FAS: variants seen among roughly 807,000 people sequenced by gnomAD.
FAS encodes the protein tumor necrosis factor receptor superfamily member 6.
A neutral mutation model predicts 33.2 loss-of-function variants in FAS; 5 were observed. That is an observed-to-expected ratio of 0.15 (90% CI 0.08 to 0.32). FAS has a LOEUF of 0.32. Ranked by LOEUF, FAS falls within the 10% of genes least tolerant of loss-of-function variation. The probability of loss-of-function intolerance (pLI) is 1.00; values close to 1 mark genes in which losing one functional copy is unlikely to be tolerated. For synonymous variants in FAS, 131 were observed against 130.7 expected, an observed-to-expected ratio of 1.00 and a Z score of -0.01; for missense variants, 339 against 386.0, an observed-to-expected ratio of 0.88 and a Z score of 1.02.
At chr10:88,999,571 G>T (rs927256028) in intron 1 of FAS, among the ~76,000 whole-genome samples, 5 of 152,090 alleles carry the variant, frequency 3.3e-5, no homozygotes, top group African/African-American at 1.2e-4. Context: ...ACTTATATGT[G>T]TCTTTCTTCC....
intron 1 of FAS, among the ~76,000 whole-genome samples, chr10:88,969,664 C>A (rs184241125): frequency 6.6e-6 from 1 of 152,190 alleles, no homozygotes; most frequent in Non-Finnish European, 1.5e-5. Flanking sequence ...CTCCTCTGAC[C>A]ACCATATCAT....
intron 7 of FAS, 55 bp from the exon 8 acceptor site, chr10:89,013,287 TA>T: frequency 6.5e-7 from 1 of 1,532,004 alleles, no homozygotes; most frequent in South Asian, 1.2e-5. Flanking sequence ...ACATTTAGAA[TA>T]TTCTAAAGAT....
intron 1 of FAS, among the ~76,000 whole-genome samples, chr10:88,972,306 T>A (rs1386405852): frequency 6.6e-6 from 1 of 152,192 alleles, no homozygotes; most frequent in Non-Finnish European, 1.5e-5. Flanking sequence ...TATTGTCTTG[T>A]CTTCAGGCAG....
At chr10:88,994,779 A>G (rs2133417455) in intron 1 of FAS, among the ~76,000 whole-genome samples, 1 of 151,692 alleles carries the variant, frequency 6.6e-6, no homozygotes, top group South Asian at 2.1e-4. Context: ...TAGAGAGAGC[A>G]TTTATTAAAT....
At chr10:88,998,749 A>G (rs1312613089) in intron 1 of FAS, among the ~76,000 whole-genome samples, 1 of 152,202 alleles carries the variant, frequency 6.6e-6, no homozygotes, top group African/African-American at 2.4e-5. Flanking sequence ...GGTCATCTAT[A>G]AAGTCCTTTC....
At chr10:88,982,139 G>A (rs189717085), upstream of FAS, among the ~76,000 whole-genome samples, 4 of 152,342 alleles carry the variant, frequency 2.6e-5, no homozygotes, top group African/African-American at 9.6e-5. Context: ...ACAGCTTACT[G>A]GTTGGGTGAC....
intron 4 of FAS, 135 bp downstream of exon 4, chr10:89,009,132 G>A (rs550003367): frequency 2.3e-6 from 2 of 883,456 alleles, no homozygotes; most frequent in African/African-American, 3.3e-5. Flanking sequence ...CTAGATGACT[G>A]TTTGCTCATT....
At position 89,015,271 on chromosome 10, in the gene FAS, ATACT is replaced by A. The variant is rs1848745215; in HGVS notation, c.*824_*827del. ...CCAAACATGGAAATATCACCAAAAA[ATACT>A]TAATAGTCCACCAAAAGGCAAGACT... On this transcript the variant is annotated 3_prime_UTR_variant, in exon 9 of 9. Coordinates refer to ENST00000652046, the MANE Select transcript of FAS (RefSeq NM_000043.6). 1 of 534,752 alleles carries A rather than the reference ATACT, an allele frequency of 1.9e-6. No homozygotes were observed. Among genetic ancestry groups the A allele is most frequent in the Non-Finnish European group, 3.6e-6 (1 of 276,708 alleles). 33.1% of individuals were successfully genotyped at this position (534,752 alleles called of 1,614,324 possible). A position where few individuals can be genotyped will look rare whatever the true frequency, so the allele number is the denominator to read the frequency against.
chr10:89,007,273 G>A (rs1015228529), intron 2 of FAS, among the ~76,000 whole-genome samples: 1 of 152,186 alleles, frequency 6.6e-6, no homozygotes, highest in African/African-American at 2.4e-5. Context: ...ACTTTGGAAA[G>A]TAAAATGAAA....
chr10:88,993,263 A>C (rs1052656529), intron 1 of FAS, among the ~76,000 whole-genome samples: 2 of 152,080 alleles, frequency 1.3e-5, no homozygotes, highest in African/African-American at 4.8e-5. Flanking sequence ...AAAAGAGTCA[A>C]ACTTACTTTA....
intron 1 of FAS, among the ~76,000 whole-genome samples, chr10:89,000,243 T>C (rs2147418): frequency 0.12 from 17,800 of 152,266 alleles, 1,539 homozygotes; most frequent in East Asian, 0.44. Context: ...ATAACCAAAA[T>C]TTATATAAAG....
rs1848809782 is a variant in FAS, at chr10:89,016,475, G to A, written c.*2025G>A. 1 of 224,868 alleles carries A rather than the reference G, an allele frequency of 4.4e-6. No individual in the cohort carries two copies. Among genetic ancestry groups the A allele is most frequent in the Admixed American group, 5.7e-5 (1 of 17,468 alleles). 13.9% of individuals were successfully genotyped at this position (224,868 alleles called of 1,614,324 possible). On this transcript the variant is annotated 3_prime_UTR_variant, in exon 9 of 9. Coordinates refer to ENST00000652046, the MANE Select transcript of FAS (RefSeq NM_000043.6). ...TACTTTGCAAGACAAGATTAAGTTAGAGAACACCCTATTCCACTTTGGTGA... is the reference window on the plus strand; with the variant it reads ...TACTTTGCAAGACAAGATTAAGTTAAAGAACACCCTATTCCACTTTGGTGA...
chr10:89,005,601 A>C (rs1848183510), intron 2 of FAS, among the ~76,000 whole-genome samples: 1 of 152,078 alleles, frequency 6.6e-6, no homozygotes, highest in South Asian at 2.1e-4. Flanking sequence ...AATAACGGCA[A>C]TATCTCCAGA....
At chr10:88,968,699 C>T (rs1846366812) in intron 1 of FAS, among the ~76,000 whole-genome samples, 1 of 152,158 alleles carries the variant, frequency 6.6e-6, no homozygotes, top group Non-Finnish European at 1.5e-5. Context: ...AAAGCCTTTT[C>T]CTCCTTAATT....
chr10:89,014,701 T>C lies in FAS; in HGVS notation c.*251T>C. On this transcript the variant is annotated 3_prime_UTR_variant, in exon 9 of 9. Transcript: ENST00000652046. ...CATGCTAAGTACCCAAATAGGAGTGTATGCAGAGGATGAAAGATTAAGATT... is the reference window on the plus strand; with the variant it reads ...CATGCTAAGTACCCAAATAGGAGTGCATGCAGAGGATGAAAGATTAAGATT... The C allele has an allele frequency of 1.5e-6, 1 of 645,592 alleles. No individual in the cohort carries two copies. Among genetic ancestry groups the C allele is most frequent in the Non-Finnish European group, 2.9e-6 (1 of 349,940 alleles). 40.0% of individuals were successfully genotyped at this position (645,592 alleles called of 1,614,324 possible).
In FAS at chr10:89,005,935, G is replaced by C. The variant is rs922242765; in HGVS notation, c.197-1765G>C. On this transcript the variant is annotated intron_variant, in intron 2 of 8. Coordinates refer to ENST00000652046, the MANE Select transcript of FAS (RefSeq NM_000043.6). ...ATTACAGACATGACCCACTGTGCCC[G>C]GCCTGATACATAAGTTCTTATTATA... 3.9e-5 allele frequency among the ~76,000 whole-genome samples: 6 copies of C among 152,022 alleles called. No individual in the cohort carries two copies. The East Asian group carries it at 9.6e-4, about 24-fold the overall frequency.
chr10:89,007,991 C>T (rs939925881), intron 3 of FAS, among the ~76,000 whole-genome samples, 154 bp downstream of exon 3: 20 of 152,234 alleles, frequency 1.3e-4, no homozygotes, highest in Admixed American at 1.0e-3. Flanking sequence ...AACCAGGTGC[C>T]GAGCTAACTA....
At position 89,014,670 on chromosome 10, in the gene FAS, C is replaced by G; in HGVS notation, c.*220C>G. 1 of 679,866 alleles carries G rather than the reference C, an allele frequency of 1.5e-6. No individual in the cohort carries two copies. Among genetic ancestry groups the G allele is most frequent in the Non-Finnish European group, 2.7e-6 (1 of 373,372 alleles). The allele number at this position is 679,866 out of a possible 1,614,324, so 42.1% of individuals were successfully genotyped here. ...AAACAAACTTCATCAAGAGTAAATG[C>G]AGTGGCATGCTAAGTACCCAAATAG... On this transcript the variant is annotated 3_prime_UTR_variant, in exon 9 of 9. Transcript: ENST00000652046.
At position 89,015,711 on chromosome 10, in the gene FAS, G is replaced by T; in HGVS notation, c.*1261G>T. ...ACCACCTAAAGAACTTCCATTTATGGAGGATTTTTTTGCCCCTTGTGTTTG... is the reference window on the plus strand; with the variant it reads ...ACCACCTAAAGAACTTCCATTTATGTAGGATTTTTTTGCCCCTTGTGTTTG... On this transcript the variant is annotated 3_prime_UTR_variant, in exon 9 of 9. Transcript: ENST00000652046. 2.0e-6 allele frequency: 1 copy of T among 497,886 alleles called. No individual in the cohort carries two copies. The highest frequency in any genetic ancestry group is 3.9e-6 in the Non-Finnish European group (1 of 259,038). The allele number at this position is 497,886 out of a possible 1,614,324, so 30.8% of individuals were successfully genotyped here.
Sources: allele counts gnomAD v4.1 joint callset (sites outside exome capture counted in the v4.1 genomes callset), GRCh38; gene constraint gnomAD v4.1.1; transcripts MANE v1.5; gene names NCBI Gene and HGNC (gene_info 2026-07-23, HGNC 2026-07-21).